The following PAPPA2 variants were observed in gnomAD, a reference collection of about 807,000 sequenced individuals.
PAPPA2 encodes pappalysin 2, also known as pappalysin-2.
Under a neutral mutation model 176.4 loss-of-function variants are expected in PAPPA2, and 86 were observed. The observed-to-expected ratio is 0.49, with a 90% confidence interval of 0.41 to 0.58. The LOEUF is 0.58. Among genes scored for constraint, PAPPA2 ranks in the 20% least tolerant of loss-of-function variants. The pLI is 0.00. For missense variants in PAPPA2, 2,073 were observed against 2,256.9 expected (o/e 0.92, Z 1.65); for synonymous variants, 809 against 852.2 (o/e 0.95, Z 0.88).
chr1:176,839,313 T>C (rs1462396117), intron 21 of PAPPA2, among the ~76,000 whole-genome samples: 2 of 152,202 alleles, frequency 1.3e-5, no homozygotes, highest in Non-Finnish European at 2.9e-5. Flanking sequence ...TGCTGAGCTA[T>C]TTTTTAACAA....
chr1:176,760,324 A>G (rs1663641278), intron 14 of PAPPA2, among the ~76,000 whole-genome samples: 1 of 152,224 alleles, frequency 6.6e-6, no homozygotes, highest in Non-Finnish European at 1.5e-5. Context: ...ATATAGTAAA[A>G]CATAATGATG....
intron 10 of PAPPA2, 86 bp downstream of exon 10, chr1:176,706,536 G>C: frequency 8.8e-7 from 1 of 1,135,272 alleles, no homozygotes; most frequent in Non-Finnish European, 1.3e-6. Flanking sequence ...GTAACATCTA[G>C]CTTAGTGATT....
chr1:176,579,824 A>G (rs893277304), intron 2 of PAPPA2, among the ~76,000 whole-genome samples: 1 of 152,190 alleles, frequency 6.6e-6, no homozygotes, highest in Non-Finnish European at 1.5e-5. Context: ...CACTCAGCTT[A>G]TACATTTATG....
chr1:176,672,064 T>C (rs1659036392), intron 4 of PAPPA2, among the ~76,000 whole-genome samples: 1 of 150,318 alleles, frequency 6.7e-6, no homozygotes, highest in Non-Finnish European at 1.5e-5. Context: ...AGTATAATAA[T>C]AATAAAATAA....
intron 2 of PAPPA2, among the ~76,000 whole-genome samples, chr1:176,568,656 C>G (rs576035579): frequency 2.6e-4 from 39 of 152,188 alleles, no homozygotes; most frequent in Non-Finnish European, 4.4e-4. Context: ...GGGCCAAGAA[C>G]TCTAGGAGTT....
At chr1:176,642,670 GA>G (rs1267844731) in intron 3 of PAPPA2, among the ~76,000 whole-genome samples, 1 of 151,928 alleles carries the variant, frequency 6.6e-6, no homozygotes, top group East Asian at 1.9e-4. Flanking sequence ...TTTAAGTGAA[GA>G]GGATAAAGTT....
chr1:176,476,967 A>G (rs1023571658), intron 1 of PAPPA2, among the ~76,000 whole-genome samples: 2 of 152,134 alleles, frequency 1.3e-5, no homozygotes, highest in Admixed American at 1.3e-4. Flanking sequence ...GGGACCTCGA[A>G]AATCCTCTAA....
At position 176,789,175 on chromosome 1, in the gene PAPPA2, A is replaced by G. The variant is rs558887904; in HGVS notation, c.4716-634A>G. 2.0e-5 allele frequency among the ~76,000 whole-genome samples: 3 copies of G among 152,338 alleles called. No homozygotes were observed. In the South Asian group the frequency reaches 6.2e-4, roughly 32 times the overall value. The stretch of plus-strand genomic sequence containing the variant: ...TAAATGTCCAACAATGATAGACTGG[A>G]TTAAGAAAATGTGGCACATATACAC... On this transcript the variant is annotated intron_variant, in intron 17 of 22. Transcript: ENST00000367662.
At position 176,695,721 on chromosome 1, in the gene PAPPA2, T is replaced by C. The variant is rs1660344059; in HGVS notation, c.2625-17T>C. On this transcript the variant is annotated splice_polypyrimidine_tract_variant and intron_variant, in intron 6 of 22. Transcript: ENST00000367662. ...GGACTCTCCTCATCTCCCATCTCCA[T>C]CCCTTTATCTCCCCAGGGCCTCAGG... 13 of 1,613,454 alleles carry C rather than the reference T, an allele frequency of 8.1e-6. No individual in the cohort carries two copies. The highest frequency in any genetic ancestry group is 1.1e-5 in the Non-Finnish European group (13 of 1,179,640).
At chr1:176,517,807 G>A (rs1648997399) in intron 1 of PAPPA2, among the ~76,000 whole-genome samples, 1 of 152,152 alleles carries the variant, frequency 6.6e-6, no homozygotes, top group African/African-American at 2.4e-5. Context: ...GTCGAAGGGT[G>A]ACTGGCCACC....
At position 176,791,396 on chromosome 1, in the gene PAPPA2, T is replaced by G; in HGVS notation, c.4934T>G (p.Leu1645Trp). The change falls in exon 19 of 23, where the codon TTG (leucine) becomes TGG (tryptophan). Residue 1645 changes from leucine (L) to tryptophan (W), a missense_variant. By Grantham distance (61) the Leu-to-Trp change is moderately conservative (BLOSUM62 -2). Transcript: ENST00000367662. ...KEGLWTQEFK[L>W]CENLQGECPP... ...GGCCTGTGGACCCAGGAGTTTAAGT[T>G]GTGTGAGAATCTGCAAGGAGAATGC... 1 of 1,612,522 alleles carries G rather than the reference T, an allele frequency of 6.2e-7. No homozygotes were observed. Among genetic ancestry groups the G allele is most frequent in the Non-Finnish European group, 8.5e-7 (1 of 1,178,648 alleles).
At chr1:176,622,722 G>A (rs189316181) in intron 3 of PAPPA2, among the ~76,000 whole-genome samples, 3 of 152,266 alleles carry the variant, frequency 2.0e-5, no homozygotes, top group Admixed American at 1.3e-4. Flanking sequence ...ATGATATAGT[G>A]GGACTTTCAA....
intron 4 of PAPPA2, 113 bp from the exon 5 acceptor site, chr1:176,690,024 G>A: frequency 1.0e-6 from 1 of 982,556 alleles, no homozygotes; most frequent in Middle Eastern, 2.2e-4. Flanking sequence ...AAGTTATAAA[G>A]TGACTCCTTA....
intron 1 of PAPPA2, among the ~76,000 whole-genome samples, chr1:176,520,341 A>G (rs978021243): frequency 2.0e-5 from 3 of 152,156 alleles, no homozygotes; most frequent in Non-Finnish European, 4.4e-5. Flanking sequence ...AAATTCTTGA[A>G]CTACCCCAAT....
chr1:176,750,591 C>A (rs1272924711), intron 14 of PAPPA2, among the ~76,000 whole-genome samples: 2 of 151,962 alleles, frequency 1.3e-5, no homozygotes, highest in African/African-American at 4.8e-5. Flanking sequence ...GGTGACAGAG[C>A]AAGACTCTGT....
chr1:176,658,322 T>G (rs1658139760), intron 3 of PAPPA2, among the ~76,000 whole-genome samples: 1 of 151,926 alleles, frequency 6.6e-6, no homozygotes. Context: ...AAGAATACAT[T>G]ACAGAATATC....
intron 21 of PAPPA2, among the ~76,000 whole-genome samples, chr1:176,828,840 A>G (rs1374276298): frequency 6.6e-6 from 1 of 151,976 alleles, no homozygotes; most frequent in Non-Finnish European, 1.5e-5. Flanking sequence ...CGTCTCTACT[A>G]AAAATACAAA....
chr1:176,624,346 G>C (rs1655888083), intron 3 of PAPPA2, among the ~76,000 whole-genome samples: 1 of 152,172 alleles, frequency 6.6e-6, no homozygotes, highest in South Asian at 2.1e-4. Context: ...CGGGGGTTCA[G>C]ATTTCCTTGA....
At chr1:176,588,501 A>C (rs918535462) in intron 2 of PAPPA2, among the ~76,000 whole-genome samples, 1 of 152,190 alleles carries the variant, frequency 6.6e-6, no homozygotes, top group African/African-American at 2.4e-5. Flanking sequence ...ATTTCTATAG[A>C]TGGGTCTTAG....
Sources: gnomAD v4.1 joint callset for allele counts (sites outside exome capture counted in the v4.1 genomes callset) on GRCh38, gnomAD v4.1.1 for gene constraint, MANE v1.5 for transcripts, NCBI Gene and HGNC (gene_info 2026-07-23, HGNC 2026-07-21) for gene names.